UHRF1: variants seen among roughly 807,000 people sequenced by gnomAD.
UHRF1 encodes the protein E3 ubiquitin-protein ligase UHRF1.
UHRF1 carries 9 observed loss-of-function variants against 96.5 expected under a neutral mutation model. That is an observed-to-expected ratio of 0.09 (90% CI 0.06 to 0.16). The LOEUF is 0.16. Among genes scored for constraint, UHRF1 ranks in the 10% least tolerant of loss-of-function variants. The pLI is 1.00. For synonymous variants in UHRF1, 455 were observed against 469.9 expected (o/e 0.97, Z 0.41); for missense variants, 626 against 1,131.1 (o/e 0.55, Z 6.40).
At chr19:4,940,925 G>A (rs62112541) in intron 5 of UHRF1, among the ~76,000 whole-genome samples, 31,952 of 150,472 alleles carry the variant, frequency 0.21, 4,264 homozygotes, top group East Asian at 0.58. Flanking sequence ...GGCCTGCCTC[G>A]GTCTCCCAAA....
chr19:4,955,783 T>G (rs941238937), intron 15 of UHRF1, among the ~76,000 whole-genome samples: 2 of 152,094 alleles, frequency 1.3e-5, no homozygotes, highest in African/African-American at 2.4e-5. Flanking sequence ...GTATGCATTG[T>G]GTCAGTGGAC....
At chr19:4,951,696 C>CAAAAAAA (rs771845391) in intron 13 of UHRF1, among the ~76,000 whole-genome samples, 1 of 83,360 alleles carries the variant, frequency 1.2e-5, no homozygotes, top group Non-Finnish European at 2.4e-5. Flanking sequence ...TGGCTCATCA[C>CAAAAAAA]AAAAAAAAAA....
chr19:4,940,416 A>C (rs915362105), intron 5 of UHRF1, among the ~76,000 whole-genome samples: 1 of 119,372 alleles, frequency 8.4e-6, no homozygotes, highest in African/African-American at 3.3e-5. Context: ...CCCATGCTGG[A>C]GTGCAGTGGC....
chr19:4,910,488 C>G (rs2032222393), intron 1 of UHRF1: 1 of 161,022 alleles, frequency 6.2e-6, no homozygotes, highest in African/African-American at 2.4e-5. Context: ...CTGGGATTCC[C>G]TCTTCCGTAA....
At chr19:4,934,785 G>A (rs2033168406) in intron 5 of UHRF1, among the ~76,000 whole-genome samples, 1 of 152,168 alleles carries the variant, frequency 6.6e-6, no homozygotes, top group Admixed American at 6.5e-5. Context: ...AGGGAGGTCA[G>A]TGAGCTGCGG....
In UHRF1 at chr19:4,950,909, C is replaced by T; in HGVS notation, c.1731C>T (p.Arg577=). 1 of 1,613,584 alleles carries T rather than the reference C, an allele frequency of 6.2e-7. No homozygotes were observed. The highest frequency in any genetic ancestry group is 2.2e-5 in the East Asian group (1 of 44,856). The part of the protein sequence containing the change: ...EKGKSGFLVW[R]YLLRRDDDEP... Reference sequence around the variant, plus strand: ...GGAAGTCCGGGTTTCTCGTGTGGCGCTACCTTCTGCGGAGGGACGATGATG... The same window carrying T: ...GGAAGTCCGGGTTTCTCGTGTGGCGTTACCTTCTGCGGAGGGACGATGATG... The change falls in exon 13 of 17, where the codon CGC becomes CGT. Residue 577 remains arginine (R), a synonymous_variant. Transcript: ENST00000650932.
chr19:4,942,264 C>A (rs2033429106), intron 7 of UHRF1, among the ~76,000 whole-genome samples: 1 of 151,916 alleles, frequency 6.6e-6, no homozygotes, highest in Admixed American at 6.6e-5. Context: ...GATCTCAGCT[C>A]ACTGCAAGCT....
chr19:4,918,152 C>T (rs937919542), intron 2 of UHRF1, among the ~76,000 whole-genome samples: 4 of 151,408 alleles, frequency 2.6e-5, no homozygotes, highest in African/African-American at 9.7e-5. Context: ...TGGAGTCTCA[C>T]TCTGTTGCCC....
Position 4,930,666 on chromosome 19 carries a change from T to A in UHRF1, c.409-50T>A. The A allele has an allele frequency of 6.3e-7, 1 of 1,589,078 alleles. No homozygotes were observed. Among genetic ancestry groups the A allele is most frequent in the Non-Finnish European group, 8.6e-7 (1 of 1,165,130 alleles). On this transcript the variant is annotated intron_variant, in intron 3 of 16. Coordinates refer to ENST00000650932, the MANE Select transcript of UHRF1 (RefSeq NM_001048201.3). This position sits in a 1 kb window ranked among gnomAD's most constrained non-coding sequence, Gnocchi z 4.4. ...GTCCGAGAACCAAGGTGGTCTCCCG[T>A]CAGTTTTCCTCACCCCGTTGGGATG...
At chr19:4,944,548 G>A in intron 9 of UHRF1, 98 bp downstream of exon 9, 7 of 1,304,252 alleles carry the variant, frequency 5.4e-6, no homozygotes, top group Non-Finnish European at 7.7e-6. Context: ...GGTCAGGGTG[G>A]TTACCAGTGG....
chr19:4,907,704 CTTTTTTTTT>C (rs59867968), upstream of UHRF1, among the ~76,000 whole-genome samples: 2 of 47,670 alleles, frequency 4.2e-5, no homozygotes, highest in Admixed American at 2.7e-4. Flanking sequence ...TTGGCCTGAT[CTTTTTTTTT>C]TTTTTTTTTT....
At chr19:4,928,756 C>T (rs149431488) in intron 2 of UHRF1, among the ~76,000 whole-genome samples, 6 of 152,312 alleles carry the variant, frequency 3.9e-5, no homozygotes, top group South Asian at 2.1e-4. Flanking sequence ...GGCCTCCACC[C>T]ACTCCATGCT....
At chr19:4,909,406 C>T, upstream of UHRF1, 1 of 649,620 alleles carries the variant, frequency 1.5e-6, no homozygotes, top group African/African-American at 1.9e-5. Flanking sequence ...CTTCCCGCCA[C>T]TGCGTCGGCC....
rs563979436 is a variant in UHRF1 at position 4,929,930 on chromosome 19, A to G, written c.408+454A>G. ...ATCCTCCCACCTCAGCCTCCTGAGT[A>G]GCTGATGTTATAGGCATGTGCCACC... On this transcript the variant is annotated intron_variant, in intron 3 of 16. Transcript: ENST00000650932. Among the ~76,000 whole-genome samples the G allele has an allele frequency of 2.1e-4, 32 of 152,074 alleles. No homozygotes were observed. The South Asian group carries it at 6.4e-3, about 31-fold the overall frequency.
chr19:4,929,231 G>C lies in UHRF1; in HGVS notation c.163G>C (p.Gly55Arg). 1 of 1,611,470 alleles carries C rather than the reference G, an allele frequency of 6.2e-7. No individual in the cohort carries two copies. Among genetic ancestry groups the C allele is most frequent in the Non-Finnish European group, 8.5e-7 (1 of 1,178,032 alleles). The change falls in exon 3 of 17, where the codon GGC becomes CGC. Residue 55 changes from glycine (G) to arginine (R), a missense_variant. By Grantham distance (125) the Gly-to-Arg change is moderately radical. Around this residue, in one of 11 missense-constraint regions of UHRF1, gnomAD observed 53 missense variants for 95.9 expected, o/e 0.55. Transcript: ENST00000650932. ...TCTGGTGTCCCTGCAGATGGAGGAC[G>C]GCCATACCCTCTTCGACTACGAGGT... Reference protein sequence around the residue: ...LFYRGKQMEDGHTLFDYEVRL... With the variant: ...LFYRGKQMEDRHTLFDYEVRL...
chr19:4,948,502 A>G (rs1303160724), intron 11 of UHRF1, among the ~76,000 whole-genome samples: 1 of 152,196 alleles, frequency 6.6e-6, no homozygotes, highest in East Asian at 1.9e-4. Flanking sequence ...CAAATCAACA[A>G]GAAACTCATA....
At position 4,912,794 on chromosome 19, in the gene UHRF1, A is replaced by G. The variant is rs1356089960; in HGVS notation, c.153+1756A>G. On this transcript the variant is annotated intron_variant, in intron 2 of 16. Coordinates refer to ENST00000650932, the MANE Select transcript of UHRF1 (RefSeq NM_001048201.3). The stretch of plus-strand genomic sequence containing the variant: ...TTGTTCCTATTTGAGACAGGATCTC[A>G]CTCTGCCCAGGCTGTGTTGCAGTGG... Among the ~76,000 whole-genome samples, 5 of 151,756 alleles carry G rather than the reference A, an allele frequency of 3.3e-5. No individual in the cohort carries two copies. In the East Asian group the frequency reaches 9.7e-4, roughly 29 times the overall value.
At chr19:4,940,021 CA>C (rs529825403) in intron 5 of UHRF1, among the ~76,000 whole-genome samples, 358 of 72,592 alleles carry the variant, frequency 4.9e-3, no homozygotes, top group Middle Eastern at 0.017. Flanking sequence ...GAGACTGTCT[CA>C]AAAAAAAAAA....
intron 15 of UHRF1, among the ~76,000 whole-genome samples, chr19:4,955,649 G>A (rs183220133): frequency 5.3e-5 from 8 of 152,052 alleles, no homozygotes; most frequent in African/African-American, 9.7e-5. Context: ...CCCACCCTAC[G>A]CTGGGGCAGC....
Sources: gnomAD v4.1 joint callset for allele counts (sites outside exome capture counted in the v4.1 genomes callset) on GRCh38, gnomAD v4.1.1 for gene constraint, gnomAD v4.1.1 regional missense constraint, Gnocchi (gnomAD v3.1) non-coding constraint, MANE v1.5 for transcripts, NCBI Gene and HGNC (gene_info 2026-07-23, HGNC 2026-07-21) for gene names.